SLC6A5: variants seen among roughly 807,000 people sequenced by gnomAD.
SLC6A5 encodes sodium- and chloride-dependent glycine transporter 2.
SLC6A5 carries 58 observed loss-of-function variants against 90.5 expected under a neutral mutation model. The observed-to-expected ratio is 0.64, with a 90% CI of 0.52 to 0.80. SLC6A5 has a LOEUF of 0.80. SLC6A5 is among the 30% of genes least tolerant of loss of function. The pLI is 0.00. For synonymous variants in SLC6A5, 427 were observed against 401.4 expected (o/e 1.06, Z -0.76); for missense variants, 1,015 against 1,017.6 (o/e 1.00, Z 0.03).
Position 20,601,472 on chromosome 11 carries a change from A to G in SLC6A5, c.347A>G (p.Asn116Ser), listed in dbSNP as rs61736604. Residue 116 changes from asparagine to serine, a missense_variant, in exon 2 of 16, where the codon AAC becomes AGC. Coordinates refer to ENST00000525748, the MANE Select transcript of SLC6A5 (RefSeq NM_004211.5). Reference sequence around the variant, plus strand: ...CCTCCCGGGAGCTCCGGGCCCGGCAACGCGCTGCACTGTAAGATCCCTTTT... The same window carrying G: ...CCTCCCGGGAGCTCCGGGCCCGGCAGCGCGCTGCACTGTAAGATCCCTTTT... ...SPPPGSSGPG[N>S]ALHCKIPFLR... 2.7e-3 allele frequency: 4,336 copies of G among 1,612,222 alleles called. 120 individuals carry two copies. The African/African-American group carries it at 0.053, about 20-fold the overall frequency.
intron 5 of SLC6A5, among the ~76,000 whole-genome samples, chr11:20,610,215 C>G (rs573018291): frequency 1.3e-5 from 2 of 152,218 alleles, no homozygotes; most frequent in African/African-American, 4.8e-5. Context: ...GTTGCTGGGC[C>G]GCAGAGCTCT....
At chr11:20,645,175 G>A (rs535897160) in intron 13 of SLC6A5, among the ~76,000 whole-genome samples, 25 of 152,168 alleles carry the variant, frequency 1.6e-4, no homozygotes, top group African/African-American at 5.5e-4. Flanking sequence ...GAAAACTCCA[G>A]TCTCTGCTTT....
chr11:20,638,895 C>T (rs1189875168), intron 13 of SLC6A5, among the ~76,000 whole-genome samples: 5 of 152,050 alleles, frequency 3.3e-5, no homozygotes, highest in East Asian at 1.9e-4. Context: ...ACTTTGCAGG[C>T]GTGAAATTAT....
chr11:20,601,783 T>C (rs1009979765), intron 2 of SLC6A5, 118 bp downstream of exon 2: 2 of 1,119,338 alleles, frequency 1.8e-6, no homozygotes, highest in African/African-American at 3.1e-5. Context: ...CAGTGCCAGG[T>C]GATGGATGCG....
chr11:20,630,454 C>G (rs1030870972), intron 9 of SLC6A5, among the ~76,000 whole-genome samples: 1 of 152,194 alleles, frequency 6.6e-6, no homozygotes, highest in African/African-American at 2.4e-5. Flanking sequence ...TTATATAGAT[C>G]GTGGAGTCAG....
chr11:20,656,424 G>A lies in SLC6A5; in HGVS notation c.*1556G>A, dbSNP rs1424180783. 2.6e-5 allele frequency: 4 copies of A among 152,064 alleles called. No homozygotes were observed. 9.4% of individuals were successfully genotyped at this position (152,064 alleles called of 1,614,324 possible). ...TTCATAGTACAGGGTCTCAGGCAAA[G>A]TTTTTCAGTTCAAATCTTGTATATT... is the stretch of plus-strand genomic sequence containing the variant. On this transcript the variant is annotated 3_prime_UTR_variant, in exon 16 of 16. Coordinates refer to ENST00000525748, the MANE Select transcript of SLC6A5 (RefSeq NM_004211.5).
Position 20,627,543 on chromosome 11 carries a change from C to T in SLC6A5, c.1396-437C>T, listed in dbSNP as rs1321148497. ...CTGCAGCGGCATAGAGGTTGCTTTA[C>T]TGAGATTGGGGCTACAGAGTTTCAG... On this transcript the variant is annotated intron_variant, in intron 8 of 15. Coordinates refer to ENST00000525748, the MANE Select transcript of SLC6A5 (RefSeq NM_004211.5). Among the ~76,000 whole-genome samples the T allele has an allele frequency of 2.0e-5, 3 of 152,208 alleles. No homozygotes were observed. In the East Asian group the frequency reaches 5.8e-4, roughly 29 times the overall value.
intron 13 of SLC6A5, among the ~76,000 whole-genome samples, chr11:20,645,836 C>G (rs531994809): frequency 1.3e-5 from 2 of 152,014 alleles, no homozygotes; most frequent in Admixed American, 1.3e-4. Context: ...GGGGTTTCAC[C>G]GTGTTAGACG....
intron 14 of SLC6A5, among the ~76,000 whole-genome samples, chr11:20,650,691 G>A (rs1312112771): frequency 8.0e-6 from 1 of 125,668 alleles, no homozygotes; most frequent in Non-Finnish European, 1.6e-5. Flanking sequence ...TTTTGAGATG[G>A]AGTCTCGCTC....
chr11:20,613,277 A>C (rs2078136325), intron 5 of SLC6A5, among the ~76,000 whole-genome samples: 1 of 152,248 alleles, frequency 6.6e-6, no homozygotes, highest in African/African-American at 2.4e-5. Flanking sequence ...AAAGTACTTA[A>C]AACAGTGCCA....
intron 14 of SLC6A5, among the ~76,000 whole-genome samples, chr11:20,650,640 G>C (rs1372118476): frequency 6.8e-6 from 1 of 147,146 alleles, no homozygotes; most frequent in Non-Finnish European, 1.5e-5. Context: ...TCACCACTTG[G>C]TGATGACGCC....
In SLC6A5 at chr11:20,652,464, T is replaced by G; in HGVS notation, c.2238+8T>G. Reference sequence around the variant, plus strand: ...CCTGGAAGATTTATTGAGGTAATTCTGTCTACTTCTTTCCCTCCCAATTCC... The same window carrying G: ...CCTGGAAGATTTATTGAGGTAATTCGGTCTACTTCTTTCCCTCCCAATTCC... On this transcript the variant is annotated splice_region_variant and intron_variant, in intron 15 of 15. Coordinates refer to ENST00000525748, the MANE Select transcript of SLC6A5 (RefSeq NM_004211.5). 1 of 1,612,252 alleles carries G rather than the reference T, an allele frequency of 6.2e-7. No individual in the cohort carries two copies. The highest frequency in any genetic ancestry group is 8.5e-7 in the Non-Finnish European group (1 of 1,178,198).
intron 2 of SLC6A5, 117 bp from the exon 3 acceptor site, chr11:20,604,169 G>A (rs909941845): frequency 4.6e-6 from 6 of 1,317,742 alleles, no homozygotes; most frequent in African/African-American, 2.9e-5. Context: ...ATGCATCCTC[G>A]GTTGAGAAGT....
intron 14 of SLC6A5, among the ~76,000 whole-genome samples, chr11:20,650,648 G>A (rs1193010264): frequency 1.4e-5 from 2 of 141,922 alleles, no homozygotes; most frequent in East Asian, 2.1e-4. Flanking sequence ...TGGTGATGAC[G>A]CCTGTTCTTT....
chr11:20,641,385 G>A (rs1473207338), intron 13 of SLC6A5, among the ~76,000 whole-genome samples: 2 of 152,122 alleles, frequency 1.3e-5, no homozygotes, highest in Non-Finnish European at 2.9e-5. Context: ...ACATTCTTGT[G>A]AGAAATGTTA....
intron 10 of SLC6A5, 109 bp from the exon 11 acceptor site, chr11:20,636,198 A>C: frequency 1.4e-6 from 1 of 738,170 alleles, no homozygotes; most frequent in East Asian, 2.6e-5. Context: ...TGGAAGCAGC[A>C]TATAAGAAGT....
intron 5 of SLC6A5, among the ~76,000 whole-genome samples, chr11:20,612,212 G>C (rs1293779592): frequency 6.6e-6 from 1 of 152,206 alleles, no homozygotes; most frequent in Non-Finnish European, 1.5e-5. Flanking sequence ...GGGAGATGAT[G>C]CTGAAGACTA....
At chr11:20,640,448 T>A (rs1256994433) in intron 13 of SLC6A5, among the ~76,000 whole-genome samples, 3 of 152,116 alleles carry the variant, frequency 2.0e-5, no homozygotes, top group African/African-American at 4.8e-5. Flanking sequence ...AAGGAAAAAA[T>A]AAATCCTGAG....
intron 12 of SLC6A5, 28 bp downstream of exon 12, chr11:20,637,331 G>A: frequency 6.2e-7 from 1 of 1,606,916 alleles, no homozygotes; most frequent in Non-Finnish European, 8.5e-7. Context: ...CACAGGCTTG[G>A]GGTGGGGGCA....
Sources: allele counts gnomAD v4.1 joint callset (sites outside exome capture counted in the v4.1 genomes callset), GRCh38; gene constraint gnomAD v4.1.1; transcripts MANE v1.5; gene names NCBI Gene and HGNC (gene_info 2026-07-23, HGNC 2026-07-21).